The following MED12L variants were observed in gnomAD, a reference collection of about 807,000 sequenced individuals.
MED12L encodes the protein mediator complex subunit 12L.
A neutral mutation model predicts 281.3 loss-of-function variants in MED12L; 60 were observed. The observed-to-expected ratio is 0.21, with a 90% CI of 0.17 to 0.26. The LOEUF (loss-of-function observed/expected upper bound fraction) is 0.26. Among genes scored for constraint, MED12L ranks in the 10% least tolerant of loss-of-function variants. The pLI is 1.00. For missense variants in MED12L, 2,146 were observed against 2,680.9 expected (o/e 0.80, Z 4.41); for synonymous variants, 974 against 987.2 (o/e 0.99, Z 0.25).
intron 2 of MED12L, among the ~76,000 whole-genome samples, chr3:151,094,525 G>A (rs1464362704): frequency 6.6e-6 from 1 of 152,186 alleles, no homozygotes; most frequent in Non-Finnish European, 1.5e-5. Context: ...GAAACACTTG[G>A]ACTTTTAATT....
chr3:151,115,369 G>A (rs1712591551), intron 2 of MED12L, among the ~76,000 whole-genome samples: 1 of 83,930 alleles, frequency 1.2e-5, no homozygotes, highest in Non-Finnish European at 2.1e-5. Flanking sequence ...TTTTTTTTGA[G>A]ATGGAGTCTC....
At chr3:151,240,156 C>G (rs565054966) in intron 16 of MED12L, among the ~76,000 whole-genome samples, 1 of 152,014 alleles carries the variant, frequency 6.6e-6, no homozygotes, top group Non-Finnish European at 1.5e-5. Flanking sequence ...GGAGTGGCCC[C>G]GTTTTTTAGA....
At position 151,435,057 on chromosome 3, in the gene MED12L, GGTTTCT is replaced by G. The variant is rs1719957741; in HGVS notation, c.*2254_*2259del. ...TCCCTGTTAATTCTGTATCTTGAGAGGTTTCTTTTTTTTTTTTTTTTTTTTCTTTTC... is the reference window on the plus strand; with the variant it reads ...TCCCTGTTAATTCTGTATCTTGAGAGTTTTTTTTTTTTTTTTTTTCTTTTC... On this transcript the variant is annotated 3_prime_UTR_variant, in exon 45 of 45. Transcript: ENST00000687756. 2 of 133,364 alleles carry G rather than the reference GGTTTCT, an allele frequency of 1.5e-5. No individual in the cohort carries two copies. The highest frequency in any genetic ancestry group is 4.8e-4 in the South Asian group (2 of 4,176). The allele number at this position is 133,364 out of a possible 1,614,324, so 8.3% of individuals were successfully genotyped here.
intron 16 of MED12L, among the ~76,000 whole-genome samples, chr3:151,240,088 G>A (rs1248396630): frequency 1.3e-5 from 2 of 151,392 alleles, no homozygotes; most frequent in African/African-American, 2.4e-5. Flanking sequence ...GGGTCTCACA[G>A]CCCCTGACCT....
chr3:151,256,188 A>G (rs895507089), intron 16 of MED12L, among the ~76,000 whole-genome samples: 1 of 152,244 alleles, frequency 6.6e-6, no homozygotes, highest in African/African-American at 2.4e-5. Flanking sequence ...TTTTAGATAC[A>G]TAGCAATACA....
At chr3:151,301,441 TAA>T (rs1745909559) in intron 16 of MED12L, among the ~76,000 whole-genome samples, 1 of 152,000 alleles carries the variant, frequency 6.6e-6, no homozygotes, top group Non-Finnish European at 1.5e-5. Flanking sequence ...ACAGTTGCAG[TAA>T]GAGAGAGAGA....
rs1421530951 is a variant in MED12L at position 151,157,452 on chromosome 3, C to T, written c.726+1122C>T. On this transcript the variant is annotated intron_variant, in intron 6 of 44. Coordinates refer to ENST00000687756, the MANE Select transcript of MED12L (RefSeq NM_001393769.1). Reference sequence around the variant, plus strand: ...GGATGGACTGTTATTTATGAAGATTCTCTTTGTTTTTTTGAATCTTGAATT... The same window carrying T: ...GGATGGACTGTTATTTATGAAGATTTTCTTTGTTTTTTTGAATCTTGAATT... Among the ~76,000 whole-genome samples the T allele has an allele frequency of 2.0e-5, 3 of 151,948 alleles. No individual in the cohort carries two copies. In the South Asian group the frequency reaches 6.2e-4, roughly 32 times the overall value.
At position 151,126,911 on chromosome 3, in the gene MED12L, C is replaced by T. The variant is rs139091138; in HGVS notation, c.397-914C>T. Among the ~76,000 whole-genome samples, 173 of 152,282 alleles carry T rather than the reference C, an allele frequency of 1.1e-3. 3 individuals carry two copies. The highest frequency in any genetic ancestry group is 8.9e-3 in the East Asian group (46 of 5,186). ...CCCAGGAATGAAGGGCTTAGCCAAA[C>T]AGGTTTCATTCAGGAGTGGAGTACA... is the stretch of plus-strand genomic sequence containing the variant. On this transcript the variant is annotated intron_variant, in intron 4 of 44. Transcript: ENST00000687756.
intron 39 of MED12L, among the ~76,000 whole-genome samples, chr3:151,396,695 A>G (rs1173641449): frequency 6.6e-6 from 1 of 152,194 alleles, no homozygotes; most frequent in Non-Finnish European, 1.5e-5. Context: ...TTTCATATCT[A>G]CCTTTTTATC....
At chr3:151,255,180 G>A (rs1737588968) in intron 16 of MED12L, among the ~76,000 whole-genome samples, 1 of 152,164 alleles carries the variant, frequency 6.6e-6, no homozygotes, top group Non-Finnish European at 1.5e-5. Context: ...CCAATTTCAT[G>A]TAAGAAGGAG....
At chr3:151,278,868 AG>A (rs1417463326) in intron 16 of MED12L, among the ~76,000 whole-genome samples, 15 of 152,218 alleles carry the variant, frequency 9.9e-5, no homozygotes, top group African/African-American at 3.6e-4. Flanking sequence ...TCTAGATAAG[AG>A]GTGTTGCATT....
intron 16 of MED12L, chr3:151,300,157 A>G (rs1745707817): frequency 8.1e-7 from 1 of 1,228,082 alleles, no homozygotes; most frequent in Non-Finnish European, 1.2e-6. Flanking sequence ...CTTGGGGACG[A>G]TTGAGGCGTG....
intron 16 of MED12L, among the ~76,000 whole-genome samples, chr3:151,220,331 G>T (rs1055180188): frequency 6.6e-6 from 1 of 152,044 alleles, no homozygotes; most frequent in Non-Finnish European, 1.5e-5. Flanking sequence ...ATTTGGTTCT[G>T]CCTTAGTCTA....
rs192189810 is a variant in MED12L at position 151,179,923 on chromosome 3, A to G, written c.1495-5407A>G. Among the ~76,000 whole-genome samples the G allele has an allele frequency of 2.2e-3, 335 of 152,360 alleles. 7 individuals carry two copies. The South Asian group carries it at 0.057, about 26-fold the overall frequency. On this transcript the variant is annotated intron_variant, in intron 11 of 44. Coordinates refer to ENST00000687756, the MANE Select transcript of MED12L (RefSeq NM_001393769.1). ...GTATCATTTCTTTTAAAGTAGGCGC[A>G]GAAGCTGTCTATTCCTTTATTCCCA...
chr3:151,408,871 C>A (rs1716639212), intron 39 of MED12L, among the ~76,000 whole-genome samples: 1 of 152,218 alleles, frequency 6.6e-6, no homozygotes, highest in African/African-American at 2.4e-5. Flanking sequence ...ACCACACGTT[C>A]TCTTCCCTTT....
At chr3:151,338,365 T>A in intron 16 of MED12L, 16 of 1,614,150 alleles carry the variant, frequency 9.9e-6, no homozygotes, top group Non-Finnish European at 1.4e-5. Context: ...TTGGTCAGAA[T>A]CATGTTAGGC....
At position 151,436,018 on chromosome 3, in the gene MED12L, G is replaced by T. The variant is rs965862285; in HGVS notation, c.*3214G>T. 1.3e-5 allele frequency: 2 copies of T among 152,176 alleles called. No homozygotes were observed. Among genetic ancestry groups the T allele is most frequent in the African/African-American group, 4.8e-5 (2 of 41,444 alleles). 9.4% of individuals were successfully genotyped at this position (152,176 alleles called of 1,614,324 possible). A position where few individuals can be genotyped will look rare whatever the true frequency, so the allele number is the denominator to read the frequency against. On this transcript the variant is annotated 3_prime_UTR_variant, in exon 45 of 45. Transcript: ENST00000687756. The stretch of plus-strand genomic sequence containing the variant: ...TATTTTTAAAACCTTTTTAATGGGT[G>T]TATTTGGACAAAAATAACCCCCTTT...
intron 2 of MED12L, among the ~76,000 whole-genome samples, chr3:151,099,445 C>A (rs550816566): frequency 3.9e-4 from 60 of 152,146 alleles, no homozygotes; most frequent in African/African-American, 1.4e-3. Context: ...TCATGTTAAA[C>A]TGTGTTTTTT....
At position 151,355,120 on chromosome 3, in the gene MED12L, G is replaced by C. The variant is rs1753749831; in HGVS notation, c.2399-1G>C. 1 of 1,609,496 alleles carries C rather than the reference G, an allele frequency of 6.2e-7. No homozygotes were observed. On this transcript the variant is annotated splice_acceptor_variant, in intron 17 of 44. Coordinates refer to ENST00000687756, the MANE Select transcript of MED12L (RefSeq NM_001393769.1). LOFTEE classifies it high-confidence loss of function. ...AATGGATCTGCTTTATGTTTATGTA[G>C]TTGGGGACGAAGGACAAAAAGCCAG...
Sources: gnomAD v4.1 joint callset for allele counts (sites outside exome capture counted in the v4.1 genomes callset) on GRCh38, gnomAD v4.1.1 for gene constraint, MANE v1.5 for transcripts, NCBI Gene and HGNC (gene_info 2026-07-23, HGNC 2026-07-21) for gene names.